SDHB: variants seen among roughly 807,000 people sequenced by gnomAD.
SDHB encodes the protein succinate dehydrogenase [ubiquinone] iron-sulfur subunit, mitochondrial.
Under a neutral mutation model 39.7 loss-of-function variants are expected in SDHB, and 21 were observed. The observed-to-expected ratio is 0.53, with a 90% confidence interval of 0.37 to 0.76. The LOEUF is 0.76. Ranked by LOEUF, SDHB falls within the 30% of genes least tolerant of loss-of-function variation. SDHB has a pLI of 0.00. For missense variants in SDHB, 343 were observed against 350.9 expected (o/e 0.98, Z 0.18); for synonymous variants, 118 against 117.0 (o/e 1.01, Z -0.06).
chr1:17,035,490 C>T (rs1227717154), intron 2 of SDHB, among the ~76,000 whole-genome samples: 1 of 152,136 alleles, frequency 6.6e-6, no homozygotes, highest in East Asian at 1.9e-4. Context: ...CTTGTCCTAG[C>T]ATATTTTAAA....
intron 5 of SDHB, among the ~76,000 whole-genome samples, chr1:17,024,486 G>A (rs988423008): frequency 6.6e-6 from 1 of 152,164 alleles, no homozygotes; most frequent in African/African-American, 2.4e-5. Flanking sequence ...TCAGCAGAAG[G>A]GCCCTCAGGT....
chr1:17,021,463 G>C lies in SDHB; in HGVS notation c.765+1145C>G, dbSNP rs532702556. Among the ~76,000 whole-genome samples, 5 of 151,788 alleles carry C rather than the reference G, an allele frequency of 3.3e-5. No homozygotes were observed. In the East Asian group the frequency reaches 9.7e-4, roughly 29 times the overall value. On this transcript the variant is annotated intron_variant, in intron 7 of 7. Transcript: ENST00000375499. ...TCTTTTAAAAAAAACAGATGAGAGG[G>C]GCCGGTCGCGGTGGCTCACGCCTGT...
intron 1 of SDHB, among the ~76,000 whole-genome samples, chr1:17,049,601 A>C (rs1009661496): frequency 9.4e-5 from 13 of 137,962 alleles, no homozygotes; most frequent in Non-Finnish European, 1.5e-4. Context: ...CTGGCCCCTA[A>C]CCGGGCTTTA....
At chr1:17,044,684 C>T (rs2078098893) in intron 2 of SDHB, 77 bp downstream of exon 2, 4 of 1,531,440 alleles carry the variant, frequency 2.6e-6, no homozygotes, top group Non-Finnish European at 3.6e-6. Flanking sequence ...TTTAAGCCTT[C>T]CAAGGATGTG....
chr1:17,052,402 G>A (rs201622852), intron 1 of SDHB: 1 of 152,186 alleles, frequency 6.6e-6, no homozygotes, highest in Admixed American at 6.5e-5. Flanking sequence ...TTCCCACAAG[G>A]AAGGGGAGGC....
chr1:17,029,104 T>TG (rs2078008848), intron 3 of SDHB, among the ~76,000 whole-genome samples: 3 of 141,868 alleles, frequency 2.1e-5, no homozygotes, highest in South Asian at 2.3e-4. Context: ...TTTTTTTTTT[T>TG]TTTTTTTTTT....
intron 2 of SDHB, 56 bp downstream of exon 2, chr1:17,044,705 C>A: frequency 2.5e-6 from 4 of 1,584,688 alleles, no homozygotes; most frequent in South Asian, 1.1e-5. Context: ...AAAAGCATGT[C>A]CCTAAATCAA....
intron 6 of SDHB, 46 bp downstream of exon 6, chr1:17,023,927 A>G (rs1461718917): frequency 7.0e-7 from 1 of 1,425,370 alleles, no homozygotes; most frequent in Non-Finnish European, 9.9e-7. Context: ...GGACTTCTGG[A>G]TGCTTGAGTT....
At chr1:17,043,624 C>A (rs1395016999) in intron 2 of SDHB, among the ~76,000 whole-genome samples, 1 of 152,228 alleles carries the variant, frequency 6.6e-6, no homozygotes, top group Non-Finnish European at 1.5e-5. Context: ...GACTAACTTG[C>A]TAGATTCTTT....
chr1:17,033,421 T>A (rs1487582685), intron 2 of SDHB, among the ~76,000 whole-genome samples: 1 of 152,062 alleles, frequency 6.6e-6, no homozygotes, highest in Non-Finnish European at 1.5e-5. Context: ...AGTGGCCGAG[T>A]TTTTGTTTTT....
intron 1 of SDHB, among the ~76,000 whole-genome samples, chr1:17,045,532 G>C (rs4920404): frequency 0.27 from 41,151 of 152,042 alleles, 6,306 homozygotes; most frequent in East Asian, 0.63. Flanking sequence ...CCGAGAGGTT[G>C]AGGCTGCAGT....
chr1:17,041,338 T>C (rs916402428), intron 2 of SDHB, among the ~76,000 whole-genome samples: 7 of 152,226 alleles, frequency 4.6e-5, no homozygotes, highest in Admixed American at 2.0e-4. Flanking sequence ...TATTTCATTA[T>C]GAGCATAATT....
chr1:17,038,604 C>T (rs1185816264), intron 2 of SDHB, among the ~76,000 whole-genome samples: 1 of 152,184 alleles, frequency 6.6e-6, no homozygotes, highest in Non-Finnish European at 1.5e-5. Flanking sequence ...CAATGTTGAA[C>T]TCAAATACAG....
In SDHB at chr1:17,018,744, G is replaced by C; in HGVS notation, c.*137C>G. On this transcript the variant is annotated 3_prime_UTR_variant, in exon 8 of 8. Coordinates refer to ENST00000375499, the MANE Select transcript of SDHB (RefSeq NM_003000.3). ...TTCTTTTTTTTTTGTTAATAAAGTA[G>C]AATAACATTTATTTCTTAAAATTTT... is the stretch of plus-strand genomic sequence containing the variant. 1.5e-6 allele frequency: 1 copy of C among 668,970 alleles called. No homozygotes were observed. Among genetic ancestry groups the C allele is most frequent in the Non-Finnish European group, 2.6e-6 (1 of 381,316 alleles). The allele number at this position is 668,970 out of a possible 1,614,324, so 41.4% of individuals were successfully genotyped here.
chr1:17,019,382 A>G (rs12045097), intron 7 of SDHB, among the ~76,000 whole-genome samples: 30,800 of 152,110 alleles, frequency 0.2, 3,767 homozygotes, highest in East Asian at 0.53. Flanking sequence ...CCAGCTCTCA[A>G]AAGTATGTGG....
chr1:17,022,814 A>C (rs2077969694), intron 6 of SDHB, 84 bp from the exon 7 acceptor site: 4 of 1,528,024 alleles, frequency 2.6e-6, no homozygotes, highest in Non-Finnish European at 3.6e-6. Flanking sequence ...CTGGGAGTGC[A>C]GAGGAAAGGG....
intron 7 of SDHB, among the ~76,000 whole-genome samples, chr1:17,020,370 A>T (rs2077954898): frequency 6.6e-6 from 1 of 152,190 alleles, no homozygotes; most frequent in Admixed American, 6.5e-5. Flanking sequence ...CAATTTCCCC[A>T]TCTGTATAAG....
chr1:17,050,021 T>G (rs1053615204), intron 1 of SDHB, among the ~76,000 whole-genome samples: 3 of 152,136 alleles, frequency 2.0e-5, no homozygotes, highest in Non-Finnish European at 4.4e-5. Context: ...AAGCTGGGTA[T>G]CAGAACCACA....
intron 2 of SDHB, among the ~76,000 whole-genome samples, chr1:17,043,775 T>C (rs1402660020): frequency 3.3e-5 from 5 of 152,098 alleles, no homozygotes; most frequent in Non-Finnish European, 2.9e-5. Flanking sequence ...AGCCAAGGAG[T>C]GCGGCAGCCT....
Sources: gnomAD v4.1 joint callset for allele counts (sites outside exome capture counted in the v4.1 genomes callset) on GRCh38, gnomAD v4.1.1 for gene constraint, MANE v1.5 for transcripts, NCBI Gene and HGNC (gene_info 2026-07-23, HGNC 2026-07-21) for gene names.